Variants in DPH6 observed in about 807,000 individuals in gnomAD.
The protein encoded by DPH6 is diphthine--ammonia ligase.
In DPH6, 33 loss-of-function variants were observed where a neutral mutation model predicts 38.2. The observed-to-expected ratio is 0.86, with a 90% CI of 0.65 to 1.15. The LOEUF (loss-of-function observed/expected upper bound fraction) is 1.15, where lower values mean the gene tolerates loss of function less well. Among genes scored for constraint, DPH6 ranks in the 50% most tolerant of loss-of-function variants. DPH6 has a pLI of 0.00. For synonymous variants in DPH6, 108 were observed against 103.0 expected (o/e 1.05, Z -0.30); for missense variants, 325 against 320.0 (o/e 1.02, Z -0.12).
At chr15:35,520,772 C>T in intron 3 of DPH6, 2 of 984,486 alleles carry the variant, frequency 2.0e-6, no homozygotes, top group Non-Finnish European at 2.4e-6. Flanking sequence ...AAAAAAAATC[C>T]TCCATTAATG....
At chr15:35,420,443 T>A (rs1278332731) in intron 5 of DPH6, among the ~76,000 whole-genome samples, 1 of 152,034 alleles carries the variant, frequency 6.6e-6, no homozygotes, top group Admixed American at 6.6e-5. Context: ...TAACAAAGAT[T>A]AGGGCATAAA....
At chr15:35,159,484 A>T in the DPH6 span, among the ~76,000 whole-genome samples, 1 of 152,042 alleles carries the variant, frequency 6.6e-6, no homozygotes, top group Non-Finnish European at 1.5e-5. Flanking sequence ...CATCAGAGTA[A>T]TGCACATCAA....
chr15:35,344,473 A>G (rs1461903322), intron 3 of DPH6, among the ~76,000 whole-genome samples: 1 of 151,956 alleles, frequency 6.6e-6, no homozygotes, highest in Admixed American at 6.6e-5. Flanking sequence ...CTCAATTACC[A>G]TCCCCTGTTC....
At chr15:35,271,285 T>G (rs939892312) in intron 3 of DPH6, among the ~76,000 whole-genome samples, 1 of 152,192 alleles carries the variant, frequency 6.6e-6, no homozygotes, top group Non-Finnish European at 1.5e-5. Flanking sequence ...TTATTCACCC[T>G]TTCTGGCTTT....
the DPH6 span, among the ~76,000 whole-genome samples, chr15:35,203,325 A>T: frequency 6.6e-6 from 1 of 151,644 alleles, no homozygotes; most frequent in African/African-American, 2.4e-5. Flanking sequence ...TAACATCTTT[A>T]AACAAGGAGT....
chr15:35,481,060 CTCTA>C (rs1361876138), intron 3 of DPH6, among the ~76,000 whole-genome samples: 5 of 151,986 alleles, frequency 3.3e-5, no homozygotes, highest in Non-Finnish European at 7.4e-5. Flanking sequence ...GATGGAAATG[CTCTA>C]TCTGTGTTAT....
chr15:35,365,973 C>G, downstream of DPH6: 3 of 985,204 alleles, frequency 3.0e-6, no homozygotes, highest in Non-Finnish European at 3.6e-6. Flanking sequence ...GCTCCTTAGC[C>G]TAAGGGCAAA....
At chr15:35,397,866 TATACACACAC>T (rs1199095089) in intron 6 of DPH6, among the ~76,000 whole-genome samples, 2 of 88,826 alleles carry the variant, frequency 2.3e-5, no homozygotes, top group African/African-American at 9.3e-5. Context: ...AATTTATATA[TATACACACAC>T]ACACACACAC....
At position 35,477,325 on chromosome 15, in the gene DPH6, T is replaced by C. The variant is rs550628866; in HGVS notation, c.313-22505A>G. ...TATTTGAGGGGAGTGGATTTTCTCT[T>C]AAATATTAACTTGGAGTTGTTGCAC... On this transcript the variant is annotated intron_variant, in intron 3 of 8. Coordinates refer to ENST00000256538, the MANE Select transcript of DPH6 (RefSeq NM_080650.4). Among the ~76,000 whole-genome samples, 53 of 151,982 alleles carry C rather than the reference T, an allele frequency of 3.5e-4. No homozygotes were observed. The East Asian group carries it at 8.1e-3, about 23-fold the overall frequency.
rs139931863 is a variant in DPH6 at position 35,496,195 on chromosome 15, T to G, written c.313-41375A>C. Among the ~76,000 whole-genome samples the G allele has an allele frequency of 3.5e-3, 533 of 152,244 alleles. 3 individuals are homozygous for G. The highest frequency in any genetic ancestry group is 0.012 in the African/African-American group (515 of 41,538). ...CTTAGAAAAAATTGATAACTTGAAT[T>G]TATTTTTCTAACCAAAATAAAAGAT... is the stretch of plus-strand genomic sequence containing the variant. On this transcript the variant is annotated intron_variant, in intron 3 of 8. Transcript: ENST00000256538.
At chr15:35,214,242 C>T (rs189807656), downstream of DPH6, among the ~76,000 whole-genome samples, 2 of 152,226 alleles carry the variant, frequency 1.3e-5, no homozygotes, top group Admixed American at 1.3e-4. Flanking sequence ...TCAAAAGTGA[C>T]AGCTAGTAAA....
chr15:35,496,768 A>C (rs1202723634), intron 3 of DPH6, among the ~76,000 whole-genome samples: 2 of 151,764 alleles, frequency 1.3e-5, no homozygotes, highest in South Asian at 2.1e-4. Flanking sequence ...ACATAACACC[A>C]GAAGGACTTA....
chr15:35,225,828 A>G (rs75963801), intron 3 of DPH6, among the ~76,000 whole-genome samples: 4,863 of 152,318 alleles, frequency 0.032, 260 homozygotes, highest in African/African-American at 0.11. Flanking sequence ...AAATTTAAAT[A>G]CCTGAGAGGA....
the DPH6 span, among the ~76,000 whole-genome samples, chr15:35,200,309 T>C: frequency 2.0e-5 from 3 of 152,114 alleles, no homozygotes; most frequent in African/African-American, 7.2e-5. Flanking sequence ...AGATGTTTCT[T>C]TGGTCTTTTC....
chr15:35,294,354 C>T (rs1595464591), intron 3 of DPH6, among the ~76,000 whole-genome samples: 1 of 152,208 alleles, frequency 6.6e-6, no homozygotes. Context: ...TCATATCCCT[C>T]TGGCGATTAC....
intron 5 of DPH6, among the ~76,000 whole-genome samples, chr15:35,436,108 C>T (rs948429807): frequency 6.6e-6 from 1 of 152,110 alleles, no homozygotes; most frequent in African/African-American, 2.4e-5. Flanking sequence ...GCATACCTCG[C>T]GACACCTCCA....
At chr15:35,238,821 T>C (rs1417096183) in intron 3 of DPH6, among the ~76,000 whole-genome samples, 2 of 151,390 alleles carry the variant, frequency 1.3e-5, no homozygotes, top group African/African-American at 4.9e-5. Flanking sequence ...TGAATTTCCT[T>C]CTCCTGGCTC....
chr15:35,279,030 C>CA (rs1487809401), intron 3 of DPH6, among the ~76,000 whole-genome samples: 2 of 114,290 alleles, frequency 1.7e-5, no homozygotes, highest in Non-Finnish European at 3.2e-5. Context: ...GCCTCAGTGA[C>CA]AGAGTGAGAC....
intron 3 of DPH6, among the ~76,000 whole-genome samples, chr15:35,238,864 T>C (rs990871053): frequency 4.0e-5 from 6 of 150,188 alleles, no homozygotes; most frequent in Non-Finnish European, 5.9e-5. Context: ...TTGTGACCCC[T>C]GCCCCTGCCC....
Sources: allele counts gnomAD v4.1 joint callset (sites outside exome capture counted in the v4.1 genomes callset), GRCh38; gene constraint gnomAD v4.1.1; transcripts MANE v1.5; gene names NCBI Gene and HGNC (gene_info 2026-07-23, HGNC 2026-07-21).